MCF2L: variants seen among roughly 807,000 people sequenced by gnomAD.
The protein encoded by MCF2L is guanine nucleotide exchange factor DBS.
Under a neutral mutation model 153.4 loss-of-function variants are expected in MCF2L, and 97 were observed. The observed-to-expected ratio is 0.63, with a 90% confidence interval of 0.54 to 0.75. The LOEUF is 0.75. Ranked by LOEUF, MCF2L falls within the 30% of genes least tolerant of loss-of-function variation. The pLI, the probability that MCF2L is intolerant of heterozygous loss-of-function variation, is 0.00. For missense variants in MCF2L, 1,347 were observed against 1,495.2 expected (o/e 0.90, Z 1.64); for synonymous variants, 659 against 632.2 (o/e 1.04, Z -0.64).
In MCF2L at chr13:113,027,792, C is replaced by G. The variant is rs2085405261; in HGVS notation, c.278+3034C>G. ...ATGAGGCTTAATAACACGGTGATGG[C>G]TGGAGAAAGGGGATGGCTGGGCAGG... is the stretch of plus-strand genomic sequence containing the variant. On this transcript the variant is annotated intron_variant, in intron 3 of 29. Transcript: ENST00000535094. The surrounding 1 kb of genome is among the most constrained non-coding windows in gnomAD (Gnocchi z 4.8). Among the ~76,000 whole-genome samples the G allele has an allele frequency of 6.6e-6, 1 of 152,178 alleles. No individual in the cohort carries two copies. Among genetic ancestry groups the G allele is most frequent in the African/African-American group, 2.4e-5 (1 of 41,426 alleles).
rs11164128 is a variant in MCF2L at position 112,932,236 on chromosome 13, C to A, written c.169+29865C>A. 6.7e-6 allele frequency among the ~76,000 whole-genome samples: 1 copy of A among 150,340 alleles called. No individual in the cohort carries two copies. Among genetic ancestry groups the A allele is most frequent in the Non-Finnish European group, 1.5e-5 (1 of 67,290 alleles). On this transcript the variant is annotated intron_variant, in intron 2 of 29. Transcript: ENST00000375608. The surrounding 1 kb of genome is among the most constrained non-coding windows in gnomAD (Gnocchi z 4.6). ...ACTCGTGCCCTGGGTAAGGCGTGAC[C>A]GGGATGGCACTTTACCTCTGTAGTC...
At chr13:113,026,896 G>A (rs374874663) in intron 3 of MCF2L, 23 of 760,524 alleles carry the variant, frequency 3.0e-5, no homozygotes, top group East Asian at 4.9e-5. Flanking sequence ...GCATCAGGCC[G>A]GTGAGCTGCA....
intron 2 of MCF2L, among the ~76,000 whole-genome samples, chr13:112,962,784 C>T (rs1288928846): frequency 1.3e-5 from 2 of 152,176 alleles, no homozygotes. Flanking sequence ...TGTGCACCGG[C>T]TCTGCCCCTT....
intron 2 of MCF2L, among the ~76,000 whole-genome samples, chr13:112,924,227 C>G (rs911267802): frequency 4.6e-5 from 7 of 152,100 alleles, no homozygotes; most frequent in African/African-American, 1.7e-4. Flanking sequence ...CACAACCCCC[C>G]CACGATGTGT....
At chr13:112,901,680 C>A (rs993360775) in intron 1 of MCF2L, among the ~76,000 whole-genome samples, 3 of 152,196 alleles carry the variant, frequency 2.0e-5, no homozygotes, top group African/African-American at 7.2e-5. Flanking sequence ...CCAAAAACTT[C>A]GTGTAAGTTT....
intron 20 of MCF2L, 74 bp downstream of exon 20, chr13:113,085,252 C>G (rs986583462): frequency 1.5e-6 from 2 of 1,320,048 alleles, no homozygotes; most frequent in African/African-American, 1.5e-5. Flanking sequence ...CCTGGGGCCC[C>G]GTCCCCATCG....
chr13:113,045,316 A>C lies in MCF2L; in HGVS notation c.324A>C (p.Arg108=), dbSNP rs775007758. ...GATTCATCCTGGTGATAGACCGGCGACGGGACAAATGGACCTCCGTGAAGG... is the reference window on the plus strand; with the variant it reads ...GATTCATCCTGGTGATAGACCGGCGCCGGGACAAATGGACCTCCGTGAAGG... ...GIGFILVIDR[R]RDKWTSVKAS... is the part of the protein sequence containing the mutation. The change falls in exon 4 of 30, where the codon CGA becomes CGC. Residue 108 remains arginine, a synonymous_variant. Transcript: ENST00000535094. The surrounding 1 kb of genome is among the most constrained non-coding windows in gnomAD (Gnocchi z 4.2). 14 of 1,614,062 alleles carry C rather than the reference A, an allele frequency of 8.7e-6. No individual in the cohort carries two copies. The South Asian group carries it at 1.5e-4, about 18-fold the overall frequency.
intron 2 of MCF2L, among the ~76,000 whole-genome samples, chr13:112,950,169 A>C (rs1258056007): frequency 6.6e-6 from 1 of 151,886 alleles, no homozygotes; most frequent in Admixed American, 6.6e-5. Flanking sequence ...AAAACCACTT[A>C]AGTGTAAATT....
At chr13:113,018,529 G>T (rs1180425694) in intron 2 of MCF2L, among the ~76,000 whole-genome samples, 1 of 152,198 alleles carries the variant, frequency 6.6e-6, no homozygotes, top group African/African-American at 2.4e-5. Flanking sequence ...TGAGGGTTGG[G>T]GGGTGCATGG....
chr13:112,912,619 A>G (rs942885314), intron 2 of MCF2L, among the ~76,000 whole-genome samples: 6 of 152,180 alleles, frequency 3.9e-5, no homozygotes, highest in African/African-American at 9.7e-5. Flanking sequence ...TGCCTGGCCA[A>G]TTTATTCTTA....
chr13:112,996,418 C>T (rs1444744445), intron 1 of MCF2L, among the ~76,000 whole-genome samples: 3 of 152,206 alleles, frequency 2.0e-5, no homozygotes, highest in East Asian at 1.9e-4. Flanking sequence ...GACCCCGACA[C>T]GCCAGGATGG....
At chr13:113,049,078 G>A (rs1260857001) in intron 4 of MCF2L, among the ~76,000 whole-genome samples, 1 of 150,334 alleles carries the variant, frequency 6.7e-6, no homozygotes, top group Non-Finnish European at 1.5e-5. Flanking sequence ...GTGCAGGAGG[G>A]GCATGAGAAA....
At chr13:112,918,011 T>G (rs2081313220) in intron 2 of MCF2L, among the ~76,000 whole-genome samples, 1 of 152,232 alleles carries the variant, frequency 6.6e-6, no homozygotes, top group Admixed American at 6.5e-5. Context: ...ACTTTGTATC[T>G]TTCCAGATAA....
At chr13:113,034,961 C>G (rs1320873860) in intron 3 of MCF2L, among the ~76,000 whole-genome samples, 2 of 152,184 alleles carry the variant, frequency 1.3e-5, no homozygotes, top group African/African-American at 4.8e-5. Flanking sequence ...GCGGTGGCAT[C>G]AGGGTGAGCG....
chr13:112,969,967 A>G lies in MCF2L; in HGVS notation c.79+509A>G, dbSNP rs2081983584. Among the ~76,000 whole-genome samples, 1 of 152,188 alleles carries G rather than the reference A, an allele frequency of 6.6e-6. No individual in the cohort carries two copies. The highest frequency in any genetic ancestry group is 2.1e-4 in the South Asian group (1 of 4,820). On this transcript the variant is annotated intron_variant, in intron 1 of 29. Coordinates refer to ENST00000535094, the MANE Select transcript of MCF2L (RefSeq NM_001112732.3). The surrounding 1 kb of genome is among the most constrained non-coding windows in gnomAD (Gnocchi z 4.8). ...GATGTTTGAGACGGTATGGGTAAAG[A>G]GTGGACTGGACGTTCATTTTCAGTA...
upstream of MCF2L, chr13:112,968,456 G>C: frequency 6.3e-7 from 1 of 1,588,922 alleles, no homozygotes; most frequent in Non-Finnish European, 8.5e-7. Context: ...GTGTGGCTTG[G>C]TGCCAACCAT....
intron 2 of MCF2L, among the ~76,000 whole-genome samples, chr13:112,944,360 C>T (rs1201090840): frequency 6.6e-6 from 1 of 151,990 alleles, no homozygotes; most frequent in Non-Finnish European, 1.5e-5. Context: ...ATCCCTACAG[C>T]GTATGTGTGC....
chr13:112,941,365 T>A lies in MCF2L; in HGVS notation c.169+38994T>A, dbSNP rs1379730234. ...AATTCAAATAGAAATTATATCAAAA[T>A]ATATATATTTGAATATATTATATAA... On this transcript the variant is annotated intron_variant, in intron 2 of 29. Transcript: ENST00000375608. This position sits in a 1 kb window ranked among gnomAD's most constrained non-coding sequence, Gnocchi z 4.9. Among the ~76,000 whole-genome samples the A allele has an allele frequency of 6.7e-5, 10 of 149,060 alleles. No homozygotes were observed. The highest frequency in any genetic ancestry group is 8.9e-5 in the Non-Finnish European group (6 of 67,360).
At chr13:113,001,883 C>G in intron 1 of MCF2L, 1 of 1,575,050 alleles carries the variant, frequency 6.3e-7, no homozygotes, top group Non-Finnish European at 8.6e-7. Context: ...GGAGCCGGGT[C>G]GGGGGCTCCT....
Sources: allele counts gnomAD v4.1 joint callset (sites outside exome capture counted in the v4.1 genomes callset), GRCh38; gene constraint gnomAD v4.1.1; non-coding constraint Gnocchi (gnomAD v3.1); transcripts MANE v1.5; gene names NCBI Gene and HGNC (gene_info 2026-07-23, HGNC 2026-07-21).